The following UNC13B variants were observed in gnomAD, a reference collection of about 807,000 sequenced individuals.
The protein encoded by UNC13B is unc-13 homolog B, also known as protein unc-13 homolog B.
A neutral mutation model predicts 211.0 loss-of-function variants in UNC13B; 144 were observed. That is an observed-to-expected ratio of 0.68 (90% confidence interval 0.60 to 0.78). The LOEUF (loss-of-function observed/expected upper bound fraction) is 0.78. Ranked by LOEUF, UNC13B falls within the 30% of genes least tolerant of loss-of-function variation. UNC13B has a pLI of 0.00. For missense variants in UNC13B, 1,777 were observed against 2,002.0 expected, an observed-to-expected ratio of 0.89 and a Z score of 2.14; for synonymous variants, 709 against 725.8, an observed-to-expected ratio of 0.98 and a Z score of 0.37.
At chr9:35,280,813 CTTA>C (rs1217588598) in intron 7 of UNC13B, among the ~76,000 whole-genome samples, 1 of 152,150 alleles carries the variant, frequency 6.6e-6, no homozygotes, top group African/African-American at 2.4e-5. Context: ...ATTACATCAA[CTTA>C]TTATAATTTA....
At chr9:35,296,345 A>T (rs1829359348) in intron 8 of UNC13B, among the ~76,000 whole-genome samples, 1 of 152,258 alleles carries the variant, frequency 6.6e-6, no homozygotes, top group Non-Finnish European at 1.5e-5. Context: ...ATGATTTCTT[A>T]TAGCAGATTC....
intron 1 of UNC13B, among the ~76,000 whole-genome samples, chr9:35,173,955 C>A (rs894017801): frequency 9.9e-5 from 15 of 152,038 alleles, no homozygotes; most frequent in Admixed American, 9.8e-4. Flanking sequence ...GGTAGTAGTA[C>A]CAGTGATGGT....
chr9:35,185,020 C>T (rs1486577623), intron 1 of UNC13B, among the ~76,000 whole-genome samples: 2 of 152,098 alleles, frequency 1.3e-5, no homozygotes, highest in African/African-American at 4.8e-5. Flanking sequence ...TGGGGGTTCC[C>T]TTCCTCCCAC....
intron 5 of UNC13B, among the ~76,000 whole-genome samples, chr9:35,240,005 C>T (rs977083359): frequency 1.1e-4 from 16 of 152,030 alleles, no homozygotes; most frequent in Middle Eastern, 3.2e-3. Context: ...ACAAAGATGA[C>T]GGGATTAAGA....
chr9:35,326,833 C>T (rs956976588), intron 11 of UNC13B, among the ~76,000 whole-genome samples: 3 of 152,192 alleles, frequency 2.0e-5, no homozygotes, highest in African/African-American at 7.2e-5. Flanking sequence ...ACTGAAACCA[C>T]AGAAAGCAAA....
chr9:35,280,210 C>T (rs545967194), intron 7 of UNC13B, among the ~76,000 whole-genome samples: 3 of 152,134 alleles, frequency 2.0e-5, no homozygotes, highest in Admixed American at 1.3e-4. Context: ...GGAAGGCATT[C>T]TAGAAAAGAT....
intron 7 of UNC13B, among the ~76,000 whole-genome samples, chr9:35,282,256 C>T (rs1237737000): frequency 6.6e-6 from 1 of 152,086 alleles, no homozygotes; most frequent in African/African-American, 2.4e-5. Context: ...ATGCCTCTTC[C>T]CAATCACAAC....
intron 6 of UNC13B, among the ~76,000 whole-genome samples, chr9:35,249,282 A>G (rs1215125232): frequency 1.3e-5 from 2 of 152,146 alleles, no homozygotes; most frequent in East Asian, 1.9e-4. Context: ...TGAGTACAGC[A>G]CATTGATGAG....
chr9:35,399,414 C>T lies in UNC13B; in HGVS notation c.12221C>T (p.Ala4074Val). The change falls in exon 35 of 40, where the codon GCT becomes GTT. Residue 4074 changes from alanine (A) to valine (V), a missense_variant. Coordinates refer to ENST00000635942, the MANE Select transcript of UNC13B (RefSeq NM_001371189.2). ...DQTGTQLIFT[A>V]AKELSHLSKL... ...CAGGGCACCCAGCTGATCTTCACTG[C>T]TGCCAAGGAGCTGAGCCATCTTTCC... 1.2e-6 allele frequency: 2 copies of T among 1,614,126 alleles called. No individual in the cohort carries two copies. The highest frequency in any genetic ancestry group is 1.3e-5 in the African/African-American group (1 of 75,006).
intron 11 of UNC13B, among the ~76,000 whole-genome samples, chr9:35,344,893 TTTTGTTTG>T (rs370033757): frequency 1.3e-5 from 2 of 152,170 alleles, no homozygotes; most frequent in Non-Finnish European, 1.5e-5. Flanking sequence ...TGTTTTGGGT[TTTTGTTTG>T]TTTGTTTGTT....
At chr9:35,381,513 T>C (rs745520386) in intron 19 of UNC13B, 43 bp from the exon 20 acceptor site, 69 of 1,569,730 alleles carry the variant, frequency 4.4e-5, no homozygotes, top group Non-Finnish European at 2.6e-6. Context: ...TTGTCTTTCA[T>C]ATGTGTTTAA....
At chr9:35,352,408 T>A (rs1157459692) in intron 11 of UNC13B, 15 of 1,232,186 alleles carry the variant, frequency 1.2e-5, no homozygotes, top group Non-Finnish European at 1.5e-5. Flanking sequence ...TCTTGCAGAA[T>A]GTGGGAGTCC....
chr9:35,239,680 C>G (rs1021890011), intron 5 of UNC13B, among the ~76,000 whole-genome samples: 4 of 152,162 alleles, frequency 2.6e-5, no homozygotes, highest in African/African-American at 7.2e-5. Context: ...TTATCTACAA[C>G]CGTAAAAGAC....
rs367625187 is a variant in UNC13B, at chr9:35,265,121, A to G, written c.526+6071A>G. ...TGGAATGAATGTATCTTGTGTGGAT[A>G]AAGACATGAATTATGGGGGGCTGGG... On this transcript the variant is annotated intron_variant, in intron 7 of 39. Coordinates refer to ENST00000635942, the MANE Select transcript of UNC13B (RefSeq NM_001371189.2). 2.0e-5 allele frequency among the ~76,000 whole-genome samples: 3 copies of G among 152,220 alleles called. No homozygotes were observed. The East Asian group carries it at 5.8e-4, about 29-fold the overall frequency.
At chr9:35,359,406 A>G (rs1833246659) in intron 11 of UNC13B, among the ~76,000 whole-genome samples, 1 of 152,116 alleles carries the variant, frequency 6.6e-6, no homozygotes, top group South Asian at 2.1e-4. Flanking sequence ...TAATCTTTCA[A>G]TCCCGAGTTT....
intron 1 of UNC13B, among the ~76,000 whole-genome samples, chr9:35,213,900 C>G (rs948789405): frequency 3.9e-5 from 6 of 152,138 alleles, no homozygotes; most frequent in Non-Finnish European, 8.8e-5. Context: ...GGGCCACACT[C>G]TCACATCAGG....
chr9:35,364,692 G>A, intron 11 of UNC13B: 1 of 1,142,414 alleles, frequency 8.8e-7, no homozygotes, highest in Non-Finnish European at 1.2e-6. Context: ...CATGATCTGT[G>A]CCTCTGAGCT....
At chr9:35,371,224 T>A (rs1260162084) in intron 13 of UNC13B, among the ~76,000 whole-genome samples, 2 of 152,152 alleles carry the variant, frequency 1.3e-5, no homozygotes, top group African/African-American at 4.8e-5. Context: ...CCTGCTCCAC[T>A]AGTTTCTCCC....
At chr9:35,352,184 A>C (rs1388287382) in intron 11 of UNC13B, 5 of 1,232,092 alleles carry the variant, frequency 4.1e-6, no homozygotes, top group Non-Finnish European at 5.1e-6. Context: ...TGAGGAAGCC[A>C]TTCTGTATTT....
Sources: allele counts gnomAD v4.1 joint callset (sites outside exome capture counted in the v4.1 genomes callset), GRCh38; gene constraint gnomAD v4.1.1; transcripts MANE v1.5; gene names NCBI Gene and HGNC (gene_info 2026-07-23, HGNC 2026-07-21).